Variants in TTC28 observed in about 807,000 individuals in gnomAD.
TTC28 encodes the protein tetratricopeptide repeat protein 28.
A neutral mutation model predicts 198.0 loss-of-function variants in TTC28; 61 were observed. The observed-to-expected ratio is 0.31, with a 90% CI of 0.25 to 0.38. The LOEUF is 0.38. Ranked by LOEUF, TTC28 falls within the 10% of genes least tolerant of loss-of-function variation. The probability of loss-of-function intolerance (pLI) is 1.00; values close to 1 mark genes in which losing one functional copy is unlikely to be tolerated. For synonymous variants in TTC28, 1,171 were observed against 1,297.8 expected (o/e 0.90, Z 2.10); for missense variants, 2,678 against 3,164.0 (o/e 0.85, Z 3.69).
intron 5 of TTC28, among the ~76,000 whole-genome samples, chr22:28,231,262 T>C (rs376010506): frequency 2.0e-5 from 3 of 152,212 alleles, no homozygotes; most frequent in African/African-American, 7.2e-5. Context: ...CTTTAACACA[T>C]GGGATAAATG....
rs188714264 is a variant in TTC28, at chr22:28,654,404, T to C, written c.103-24574A>G. On this transcript the variant is annotated intron_variant, in intron 1 of 22. Coordinates refer to ENST00000397906, the MANE Select transcript of TTC28 (RefSeq NM_001145418.2). Reference sequence around the variant, plus strand: ...GTGCAGTGGCGCAATCTCAGCTCACTGCAACCTCTGCCTCCTGGGTTCAAG... The same window carrying C: ...GTGCAGTGGCGCAATCTCAGCTCACCGCAACCTCTGCCTCCTGGGTTCAAG... Among the ~76,000 whole-genome samples, 8 of 152,298 alleles carry C rather than the reference T, an allele frequency of 5.3e-5. No homozygotes were observed. In the East Asian group the frequency reaches 1.5e-3, roughly 29 times the overall value.
chr22:28,551,414 A>T (rs9613645), intron 2 of TTC28, among the ~76,000 whole-genome samples: 8,047 of 152,200 alleles, frequency 0.053, 329 homozygotes, highest in Admixed American at 0.14. Context: ...AAACTGGGGA[A>T]GGACACAGCA....
chr22:28,419,211 C>G (rs1274078713), intron 2 of TTC28, among the ~76,000 whole-genome samples: 2 of 152,146 alleles, frequency 1.3e-5, no homozygotes. Context: ...TCAATATTTC[C>G]TCCATATCTA....
chr22:28,534,191 A>G (rs931750881), intron 2 of TTC28, among the ~76,000 whole-genome samples: 2 of 152,250 alleles, frequency 1.3e-5, no homozygotes, highest in Admixed American at 6.5e-5. Flanking sequence ...CAGAATCTAC[A>G]AAGAACTTAA....
At chr22:28,527,406 A>G (rs926176608) in intron 2 of TTC28, among the ~76,000 whole-genome samples, 8 of 152,072 alleles carry the variant, frequency 5.3e-5, no homozygotes, top group Admixed American at 5.2e-4. Context: ...GTCAGTCATG[A>G]GTTGAAGTTT....
At chr22:28,485,437 TACTTC>T (rs367564073) in intron 2 of TTC28, among the ~76,000 whole-genome samples, 445 of 152,306 alleles carry the variant, frequency 2.9e-3, no homozygotes, top group Admixed American at 6.2e-3. Context: ...GCCTAATTCC[TACTTC>T]ACTTCACTTC....
intron 5 of TTC28, among the ~76,000 whole-genome samples, chr22:28,191,124 C>T (rs1336835111): frequency 1.3e-5 from 2 of 152,178 alleles, no homozygotes; most frequent in South Asian, 4.1e-4. Flanking sequence ...GAACATCCAC[C>T]TCATTTCCTG....
In TTC28 at chr22:28,591,288, A is replaced by G. The variant is rs891328196; in HGVS notation, c.381+38264T>C. On this transcript the variant is annotated intron_variant, in intron 2 of 22. Coordinates refer to ENST00000397906, the MANE Select transcript of TTC28 (RefSeq NM_001145418.2). ...TCACCTGACTATTTTTTTTATATAT[A>G]TATTTGTAGAGACAGGGTATTGCTA... Among the ~76,000 whole-genome samples the G allele has an allele frequency of 1.1e-4, 16 of 150,828 alleles. No individual in the cohort carries two copies. The Admixed American group carries it at 1.1e-3, about 10-fold the overall frequency.
chr22:28,457,025 T>C (rs1330622391), intron 2 of TTC28, among the ~76,000 whole-genome samples: 3 of 152,260 alleles, frequency 2.0e-5, no homozygotes, highest in Non-Finnish European at 4.4e-5. Flanking sequence ...GTACTGATGC[T>C]ATGAATTTAT....
rs1045691046 is a variant in TTC28, at chr22:28,132,218, C to T, written c.1442-23815G>A. Reference sequence around the variant, plus strand: ...ATAGATACATATACTTGAAGGTGTCCTGTTGGAGGCCATTATGCATTATCA... The same window carrying T: ...ATAGATACATATACTTGAAGGTGTCTTGTTGGAGGCCATTATGCATTATCA... On this transcript the variant is annotated intron_variant, in intron 6 of 22. Coordinates refer to ENST00000397906, the MANE Select transcript of TTC28 (RefSeq NM_001145418.2). 2.0e-5 allele frequency among the ~76,000 whole-genome samples: 3 copies of T among 152,244 alleles called. No individual in the cohort carries two copies. In the South Asian group the frequency reaches 6.2e-4, roughly 32 times the overall value.
intron 6 of TTC28, among the ~76,000 whole-genome samples, chr22:28,109,151 C>G (rs1157950958): frequency 2.6e-5 from 4 of 152,190 alleles, no homozygotes; most frequent in African/African-American, 9.7e-5. Flanking sequence ...ATACACGTAA[C>G]AACCTTCAAT....
chr22:28,049,977 A>G (rs1441728315), intron 12 of TTC28, among the ~76,000 whole-genome samples: 1 of 152,132 alleles, frequency 6.6e-6, no homozygotes. Context: ...AACAGAGTTG[A>G]GACACATTAT....
intron 2 of TTC28, among the ~76,000 whole-genome samples, chr22:28,348,358 C>G (rs1441861657): frequency 6.6e-6 from 1 of 152,100 alleles, no homozygotes; most frequent in African/African-American, 2.4e-5. Flanking sequence ...ATCCAGGACT[C>G]CCTGGGGCTC....
At chr22:28,623,575 C>G (rs1256546096) in intron 2 of TTC28, among the ~76,000 whole-genome samples, 1 of 152,090 alleles carries the variant, frequency 6.6e-6, no homozygotes, top group Non-Finnish European at 1.5e-5. Context: ...GGAACTACAC[C>G]TCAAAAATAC....
In TTC28 at chr22:28,538,108, G is replaced by C. The variant is rs190066229; in HGVS notation, c.381+91444C>G. On this transcript the variant is annotated intron_variant, in intron 2 of 22. Transcript: ENST00000397906. ...ATCTCTTTTAGATTATTTTAAGAGA[G>C]AGTGCCTCGCTCTGTTGCCAGGCTA... 1.6e-4 allele frequency among the ~76,000 whole-genome samples: 25 copies of C among 152,230 alleles called. No homozygotes were observed. The East Asian group carries it at 4.8e-3, about 29-fold the overall frequency.
At chr22:28,033,951 A>C (rs1939231396) in intron 12 of TTC28, among the ~76,000 whole-genome samples, 2 of 152,260 alleles carry the variant, frequency 1.3e-5, no homozygotes. Flanking sequence ...ATTATTACAT[A>C]GTAGTACATG....
At chr22:28,118,632 T>C (rs1569148947) in intron 6 of TTC28, among the ~76,000 whole-genome samples, 1 of 152,170 alleles carries the variant, frequency 6.6e-6, no homozygotes, top group African/African-American at 2.4e-5. Context: ...CCTAAGTGTG[T>C]AGTAGGCTAT....
intron 2 of TTC28, among the ~76,000 whole-genome samples, chr22:28,473,328 T>C (rs915148896): frequency 6.6e-6 from 1 of 152,200 alleles, no homozygotes; most frequent in African/African-American, 2.4e-5. Context: ...TGAGGTCATA[T>C]TGAGATAGGA....
intron 2 of TTC28, among the ~76,000 whole-genome samples, chr22:28,496,984 C>T (rs2048464226): frequency 6.6e-6 from 1 of 152,206 alleles, no homozygotes; most frequent in East Asian, 1.9e-4. Context: ...CAGATATCTG[C>T]GTGAATCTCT....
Sources: allele counts gnomAD v4.1 joint callset (sites outside exome capture counted in the v4.1 genomes callset), GRCh38; gene constraint gnomAD v4.1.1; transcripts MANE v1.5; gene names NCBI Gene and HGNC (gene_info 2026-07-23, HGNC 2026-07-21).